The following VPS13C variants were observed in gnomAD, a reference collection of about 807,000 sequenced individuals.
The protein encoded by VPS13C is vacuolar protein sorting 13 homolog C, also known as intermembrane lipid transfer protein VPS13C.
In VPS13C, 358 loss-of-function variants were observed where a neutral mutation model predicts 456.8. The ratio of observed to expected loss-of-function variants is 0.78; its 90% CI spans 0.72 to 0.86. The LOEUF (loss-of-function observed/expected upper bound fraction) is 0.86. Ranked by LOEUF, VPS13C falls within the 40% of genes least tolerant of loss-of-function variation. The pLI, the probability that VPS13C is intolerant of heterozygous loss-of-function variation, is 0.00. For synonymous variants in VPS13C, 1,578 were observed against 1,486.7 expected (o/e 1.06, Z -1.41); for missense variants, 4,818 against 4,385.4 (o/e 1.10, Z -2.79).
chr15:62,031,486 G>A (rs879526578), intron 5 of VPS13C, among the ~76,000 whole-genome samples: 9 of 151,868 alleles, frequency 5.9e-5, no homozygotes, highest in Non-Finnish European at 8.8e-5. Context: ...ACAGAAATGA[G>A]AAAAGAATAC....
intron 16 of VPS13C, among the ~76,000 whole-genome samples, chr15:61,997,830 CT>C (rs142843673): frequency 0.027 from 4,181 of 152,272 alleles, 94 homozygotes; most frequent in Non-Finnish European, 0.041. Context: ...ACTGCTCCCC[CT>C]GTCTTCACTC....
chr15:62,048,263 C>CG (rs200522417), intron 1 of VPS13C, among the ~76,000 whole-genome samples: 43,540 of 119,796 alleles, frequency 0.36, 8,993 homozygotes, highest in Admixed American at 0.48. Flanking sequence ...CCCACCCCCC[C>CG]CAACAGGCCC....
intron 1 of VPS13C, among the ~76,000 whole-genome samples, chr15:62,044,651 C>T (rs544484505): frequency 3.2e-4 from 49 of 152,190 alleles, no homozygotes; most frequent in African/African-American, 1.2e-3. Flanking sequence ...TCTTTAATTA[C>T]GTTATCAATT....
intron 5 of VPS13C, among the ~76,000 whole-genome samples, chr15:62,033,039 C>A (rs2047870700): frequency 6.6e-6 from 1 of 151,612 alleles, no homozygotes; most frequent in Non-Finnish European, 1.5e-5. Flanking sequence ...ATTAAAGCAG[C>A]ATTTCCTCTA....
chr15:61,926,657 GATA>G (rs2043860024), intron 52 of VPS13C, among the ~76,000 whole-genome samples: 1 of 152,088 alleles, frequency 6.6e-6, no homozygotes, highest in Admixed American at 6.5e-5. Context: ...CATATGTTTC[GATA>G]ATAATATGAA....
rs984130378 is a variant in VPS13C, at chr15:61,917,642, A to G, written c.7761-7T>C. 3.1e-6 allele frequency: 5 copies of G among 1,606,280 alleles called. No homozygotes were observed. Among genetic ancestry groups the G allele is most frequent in the Non-Finnish European group, 4.3e-6 (5 of 1,174,334 alleles). ...CTGGATAAACAATTGACATCTGCAG[A>G]AAGAGGAAACAGTGACAATAAAGTT... On this transcript the variant is annotated splice_region_variant and splice_polypyrimidine_tract_variant and intron_variant, in intron 59 of 84. Coordinates refer to ENST00000644861, the MANE Select transcript of VPS13C (RefSeq NM_020821.3).
chr15:62,020,651 A>G, intron 8 of VPS13C, 113 bp from the exon 9 acceptor site: 1 of 953,718 alleles, frequency 1.0e-6, no homozygotes, highest in Non-Finnish European at 1.5e-6. Context: ...ATACAACCCA[A>G]ATGGATTTGT....
chr15:61,974,923 GT>G (rs1243947897), intron 24 of VPS13C, among the ~76,000 whole-genome samples: 1 of 152,120 alleles, frequency 6.6e-6, no homozygotes, highest in African/African-American at 2.4e-5. Flanking sequence ...GCTTTTATCA[GT>G]TGCTTACTTT....
At chr15:61,892,012 C>T (rs1222119275) in intron 66 of VPS13C, among the ~76,000 whole-genome samples, 1 of 152,126 alleles carries the variant, frequency 6.6e-6, no homozygotes, top group Non-Finnish European at 1.5e-5. Flanking sequence ...GCAGGAAATT[C>T]CTCTTAAGCT....
chr15:61,910,201 G>T lies in VPS13C; in HGVS notation c.8820C>A (p.Gly2940=). ...CCAGATCTTCTAAGCTCAATAAAGT[G>T]CCATTATCCTGTCGGTTATAAAAGA... ...KPFFYNRQDN[G]TLLSLEDLNG... is the part of the protein sequence containing the mutation. Residue 2940 remains glycine (G), a synonymous_variant, in exon 64 of 85, where the codon GGC becomes GGA. Coordinates refer to ENST00000644861, the MANE Select transcript of VPS13C (RefSeq NM_020821.3). The T allele has an allele frequency of 6.9e-7, 1 of 1,441,746 alleles. No homozygotes were observed. Among genetic ancestry groups the T allele is most frequent in the Non-Finnish European group, 9.2e-7 (1 of 1,087,646 alleles). 89.3% of individuals were successfully genotyped at this position (1,441,746 alleles called of 1,614,324 possible). A position where few individuals can be genotyped will look rare whatever the true frequency, so the allele number is the denominator to read the frequency against.
intron 24 of VPS13C, among the ~76,000 whole-genome samples, chr15:61,975,400 G>A (rs895819011): frequency 2.0e-5 from 3 of 152,038 alleles, no homozygotes; most frequent in South Asian, 2.1e-4. Flanking sequence ...GAGAAAAATA[G>A]AAAAGGCACA....
At chr15:61,937,620 G>A (rs1236517902) in intron 47 of VPS13C, among the ~76,000 whole-genome samples, 4 of 152,186 alleles carry the variant, frequency 2.6e-5, no homozygotes, top group Admixed American at 6.5e-5. Context: ...AACTACTGGC[G>A]CCCGCCACCA....
chr15:62,001,041 T>C (rs2046594686), intron 15 of VPS13C, among the ~76,000 whole-genome samples: 1 of 152,224 alleles, frequency 6.6e-6, no homozygotes, highest in South Asian at 2.1e-4. Context: ...TATTTAAGAA[T>C]GTAAAATTCT....
chr15:61,920,952 A>C (rs1269133880), intron 55 of VPS13C, among the ~76,000 whole-genome samples: 1 of 152,114 alleles, frequency 6.6e-6, no homozygotes, highest in African/African-American at 2.4e-5. Flanking sequence ...CCAACTGGTG[A>C]TTATGTGTTG....
At chr15:62,005,860 G>A (rs959799870) in intron 15 of VPS13C, among the ~76,000 whole-genome samples, 6 of 151,256 alleles carry the variant, frequency 4.0e-5, no homozygotes, top group South Asian at 4.2e-4. Flanking sequence ...CCACCACCAC[G>A]CCCAGCTAAT....
chr15:61,889,437 CT>C (rs1379015023), intron 67 of VPS13C, among the ~76,000 whole-genome samples: 3 of 152,034 alleles, frequency 2.0e-5, no homozygotes, highest in Non-Finnish European at 2.9e-5. Flanking sequence ...CCTTAATTTG[CT>C]TTTCTTTCCC....
At chr15:62,027,888 C>G (rs2047689879) in intron 6 of VPS13C, among the ~76,000 whole-genome samples, 1 of 151,980 alleles carries the variant, frequency 6.6e-6, no homozygotes, top group Admixed American at 6.6e-5. Context: ...AGAGCTACAA[C>G]AGAGGTGAAA....
Position 61,981,410 on chromosome 15 carries a change from C to T in VPS13C, c.2098G>A (p.Val700Ile). 1 of 1,612,448 alleles carries T rather than the reference C, an allele frequency of 6.2e-7. No individual in the cohort carries two copies. Among genetic ancestry groups the T allele is most frequent in the Non-Finnish European group, 8.5e-7 (1 of 1,179,458 alleles). Residue 700 changes from valine (V) to isoleucine (I), a missense_variant, in exon 22 of 85, where the codon GTA (valine) becomes ATA (isoleucine). Transcript: ENST00000644861. ...LRINLKPSYL[V>I]VPQTGFHHEK... ...TGGTGGAAACCCGTCTGTGGAACTA[C>T]TAGATAAGAAGGCTTCAGATTTATC...
At position 61,975,100 on chromosome 15, in the gene VPS13C, G is replaced by C. The variant is rs547598082; in HGVS notation, c.2409-683C>G. Among the ~76,000 whole-genome samples the C allele has an allele frequency of 2.6e-5, 4 of 152,172 alleles. No homozygotes were observed. In the East Asian group the frequency reaches 7.7e-4, roughly 29 times the overall value. ...AGCTCAAGCTGACAGATGCCTAATTGCTGGATGCCACACTGGGGTACAGTA... is the reference window on the plus strand; with the variant it reads ...AGCTCAAGCTGACAGATGCCTAATTCCTGGATGCCACACTGGGGTACAGTA... On this transcript the variant is annotated intron_variant, in intron 24 of 84. Transcript: ENST00000644861.
Sources: gnomAD v4.1 joint callset for allele counts (sites outside exome capture counted in the v4.1 genomes callset) on GRCh38, gnomAD v4.1.1 for gene constraint, MANE v1.5 for transcripts, NCBI Gene and HGNC (gene_info 2026-07-23, HGNC 2026-07-21) for gene names.